CCDC146: variants seen among roughly 807,000 people sequenced by gnomAD.
CCDC146 encodes the protein coiled-coil domain containing 146.
In CCDC146, 92 loss-of-function variants were observed where a neutral mutation model predicts 119.3. The ratio of observed to expected loss-of-function variants is 0.77; its 90% CI spans 0.65 to 0.92. CCDC146 has a LOEUF of 0.92. Among genes scored for constraint, CCDC146 ranks in the 40% least tolerant of loss-of-function variants. The pLI is 0.00. For synonymous variants in CCDC146, 372 were observed against 371.8 expected (o/e 1.00, Z -0.01); for missense variants, 1,000 against 1,103.0 (o/e 0.91, Z 1.32).
intron 4 of CCDC146, among the ~76,000 whole-genome samples, chr7:77,248,656 A>G (rs1792999772): frequency 6.6e-6 from 1 of 152,228 alleles, no homozygotes; most frequent in African/African-American, 2.4e-5. Flanking sequence ...AGCAAGAAAA[A>G]TGAAAAATAT....
intron 2 of CCDC146, among the ~76,000 whole-genome samples, chr7:77,231,747 T>C (rs893707702): frequency 8.5e-5 from 13 of 152,072 alleles, no homozygotes; most frequent in Admixed American, 2.6e-4. Context: ...ATATTTATAA[T>C]ATTTTCTTTG....
chr7:77,123,403 G>GGTGTGTGTGT (rs557580080), intron 1 of CCDC146, among the ~76,000 whole-genome samples: 71 of 125,250 alleles, frequency 5.7e-4, no homozygotes, highest in South Asian at 1.1e-3. Flanking sequence ...GACCCTATAA[G>GGTGTGTGTGT]GTGTGTGTGT....
chr7:77,189,096 A>G (rs1269658834), intron 2 of CCDC146, among the ~76,000 whole-genome samples: 2 of 152,134 alleles, frequency 1.3e-5, no homozygotes, highest in African/African-American at 4.8e-5. Flanking sequence ...CCTGAACTTC[A>G]GACTAATATT....
At chr7:77,248,530 A>G (rs1214127954) in intron 4 of CCDC146, among the ~76,000 whole-genome samples, 1 of 152,210 alleles carries the variant, frequency 6.6e-6, no homozygotes, top group Non-Finnish European at 1.5e-5. Flanking sequence ...TTGTCTGTGT[A>G]TTCATTTATT....
chr7:77,248,648 C>T lies in CCDC146; in HGVS notation c.450-5858C>T, dbSNP rs140283378. On this transcript the variant is annotated intron_variant, in intron 4 of 18. Transcript: ENST00000285871. ...TAGTTAGTCATTAAATAAAGAATAGCAAGAAAAATGAAAAATATTTCTCTA... is the reference window on the plus strand; with the variant it reads ...TAGTTAGTCATTAAATAAAGAATAGTAAGAAAAATGAAAAATATTTCTCTA... 3.5e-3 allele frequency among the ~76,000 whole-genome samples: 535 copies of T among 152,112 alleles called. 3 individuals carry two copies. Among genetic ancestry groups the T allele is most frequent in the Non-Finnish European group, 5.6e-3 (382 of 67,974 alleles).
chr7:77,286,969 G>C (rs1302546065), intron 16 of CCDC146, 43 bp downstream of exon 16: 1 of 1,607,984 alleles, frequency 6.2e-7, no homozygotes, highest in Non-Finnish European at 8.5e-7. Context: ...GCTCCTCGTT[G>C]ATGTAGTTTC....
At chr7:77,132,691 T>A (rs1790802709) in intron 1 of CCDC146, among the ~76,000 whole-genome samples, 1 of 151,970 alleles carries the variant, frequency 6.6e-6, no homozygotes, top group African/African-American at 2.4e-5. Flanking sequence ...GAGCTATGAT[T>A]GTACCATCAC....
intron 9 of CCDC146, among the ~76,000 whole-genome samples, chr7:77,271,291 A>G (rs897742213): frequency 2.6e-5 from 4 of 151,118 alleles, no homozygotes; most frequent in Admixed American, 6.6e-5. Flanking sequence ...TGTGAATGAG[A>G]GACCGGCCTA....
chr7:77,279,680 C>T (rs1323140852), intron 13 of CCDC146, among the ~76,000 whole-genome samples: 1 of 152,204 alleles, frequency 6.6e-6, no homozygotes, highest in Non-Finnish European at 1.5e-5. Flanking sequence ...TGCTTTGTCT[C>T]TCTGAGCTCA....
At chr7:77,144,448 A>G (rs1164496677) in intron 1 of CCDC146, among the ~76,000 whole-genome samples, 1 of 151,744 alleles carries the variant, frequency 6.6e-6, no homozygotes, top group African/African-American at 2.4e-5. Flanking sequence ...AACTTCCAAT[A>G]CTATGTTGAA....
intron 2 of CCDC146, among the ~76,000 whole-genome samples, chr7:77,222,549 A>G (rs1289719695): frequency 6.6e-6 from 1 of 152,198 alleles, no homozygotes; most frequent in African/African-American, 2.4e-5. Flanking sequence ...GGTGTCCACT[A>G]CTTGGCAGCA....
chr7:77,148,367 C>T (rs143798196), intron 1 of CCDC146, among the ~76,000 whole-genome samples: 1,671 of 152,222 alleles, frequency 0.011, 23 homozygotes, highest in African/African-American at 0.038. Context: ...CTGGGTGAGG[C>T]GATGCCTCAC....
chr7:77,128,862 G>T lies in CCDC146; in HGVS notation c.-12+6130G>T, dbSNP rs1790744751. ...AGCCCCAAGTACTTAGAAGTGAATG[G>T]CAGCATAAGGCAAAATCTTTAAGAC... On this transcript the variant is annotated intron_variant, in intron 1 of 18. Coordinates refer to ENST00000285871, the MANE Select transcript of CCDC146 (RefSeq NM_020879.3). Among the ~76,000 whole-genome samples, 3 of 152,098 alleles carry T rather than the reference G, an allele frequency of 2.0e-5. 1 individual carries two copies. The highest frequency in any genetic ancestry group is 7.3e-5 in the African/African-American group (3 of 41,340).
intron 1 of CCDC146, among the ~76,000 whole-genome samples, chr7:77,130,897 CT>C (rs762843718): frequency 3.0e-3 from 390 of 131,388 alleles, no homozygotes; most frequent in Non-Finnish European, 3.0e-3. Context: ...GCGCCCGGCC[CT>C]TTTTTTTTTT....
chr7:77,287,400 A>G (rs780817296), intron 16 of CCDC146, 40 bp from the exon 17 acceptor site: 8 of 1,600,526 alleles, frequency 5.0e-6, no homozygotes, highest in Non-Finnish European at 6.0e-6. Context: ...GTCTTAGATG[A>G]CTTTTTTTTT....
intron 2 of CCDC146, among the ~76,000 whole-genome samples, chr7:77,211,711 A>T (rs1342489745): frequency 6.6e-6 from 1 of 151,856 alleles, no homozygotes; most frequent in African/African-American, 2.4e-5. Flanking sequence ...CACCTCCTGG[A>T]TTCAAATGAT....
At chr7:77,132,568 A>G (rs113789107) in intron 1 of CCDC146, among the ~76,000 whole-genome samples, 40 of 142,820 alleles carry the variant, frequency 2.8e-4, no homozygotes, top group Admixed American at 4.9e-4. Context: ...AAAAAAAAAA[A>G]AAAGAAAGAA....
rs200517168 is a variant in CCDC146 at position 77,167,765 on chromosome 7, A to G, written c.97A>G (p.Ile33Val). 2.7e-5 allele frequency: 43 copies of G among 1,611,596 alleles called. No homozygotes were observed. The East Asian group carries it at 7.2e-4, about 27-fold the overall frequency. Reference protein sequence around the residue: ...PIYAIVPTINIQDERFVDLSE... With the variant: ...PIYAIVPTINVQDERFVDLSE... The stretch of plus-strand genomic sequence containing the variant: ...TTATGCCATAGTGCCCACAATTAAC[A>G]TTCAAGATGAGCGGTTTGTTGATTT... Residue 33 changes from isoleucine to valine, a missense_variant, in exon 2 of 19, where the codon ATT becomes GTT. Coordinates refer to ENST00000285871, the MANE Select transcript of CCDC146 (RefSeq NM_020879.3).
At chr7:77,273,878 A>G in intron 10 of CCDC146, 89 bp downstream of exon 10, 1 of 736,888 alleles carries the variant, frequency 1.4e-6, no homozygotes, top group Non-Finnish European at 2.3e-6. Context: ...CCTTATCAAT[A>G]AGAGAGTCAT....
Sources: allele counts gnomAD v4.1 joint callset (sites outside exome capture counted in the v4.1 genomes callset), GRCh38; gene constraint gnomAD v4.1.1; transcripts MANE v1.5; gene names NCBI Gene and HGNC (gene_info 2026-07-23, HGNC 2026-07-21).